The following COL4A6 variants were observed in gnomAD, a reference collection of about 807,000 sequenced individuals.
COL4A6 encodes the protein collagen type IV alpha 6 chain.
COL4A6 carries 59 observed loss-of-function variants against 126.7 expected under a neutral mutation model. That is an observed-to-expected ratio of 0.47 (90% CI 0.38 to 0.58). COL4A6 has a LOEUF of 0.58. Ranked by LOEUF, COL4A6 falls within the 20% of genes least tolerant of loss-of-function variation. The pLI is 0.00. For synonymous variants in COL4A6, 547 were observed against 496.6 expected, an observed-to-expected ratio of 1.10 and a Z score of -1.35; for missense variants, 1,285 against 1,337.3, an observed-to-expected ratio of 0.96 and a Z score of 0.61.
chrX:108,261,659 C>T (rs1051514357), intron 3 of COL4A6, among the ~76,000 whole-genome samples: 1 of 111,537 alleles, frequency 9.0e-6, no homozygotes, highest in Non-Finnish European at 1.9e-5. Flanking sequence ...ATGTTTTCAT[C>T]ATCTCCCACA....
chrX:108,175,048 C>A (rs934612616), intron 30 of COL4A6, 42 bp downstream of exon 30: 21 of 1,132,208 alleles, frequency 1.9e-5, no homozygotes, highest in African/African-American at 1.9e-5. Context: ...GGTTATGAAG[C>A]CTCTCTTGAG....
intron 3 of COL4A6, among the ~76,000 whole-genome samples, chrX:108,252,451 CA>C (rs1043258981): frequency 9.0e-6 from 1 of 111,544 alleles, no homozygotes; most frequent in Non-Finnish European, 1.9e-5. Flanking sequence ...CATGGAAGTA[CA>C]GATATATCTC....
intron 2 of COL4A6, among the ~76,000 whole-genome samples, chrX:108,431,018 T>C (rs1030525208): frequency 9.0e-6 from 1 of 111,268 alleles, no homozygotes; most frequent in Non-Finnish European, 1.9e-5. Flanking sequence ...TTGATAATCA[T>C]CACTATATAG....
intron 2 of COL4A6, among the ~76,000 whole-genome samples, chrX:108,365,119 C>T (rs2040169158): frequency 8.9e-6 from 1 of 111,956 alleles, no homozygotes; most frequent in African/African-American, 3.2e-5. Context: ...AAATTCAACT[C>T]TAATTTCTTT....
At chrX:108,256,940 C>T in intron 3 of COL4A6, among the ~76,000 whole-genome samples, 1 of 111,294 alleles carries the variant, frequency 9.0e-6, no homozygotes, top group Non-Finnish European at 1.9e-5. Context: ...AGCATGGATA[C>T]ATCTAATAGC....
intron 3 of COL4A6, among the ~76,000 whole-genome samples, chrX:108,228,405 T>C (rs1001178457): frequency 8.9e-6 from 1 of 112,335 alleles, no homozygotes; most frequent in Non-Finnish European, 1.9e-5. Flanking sequence ...TTGGCAAGTA[T>C]GAATATACAT....
chrX:108,353,327 C>T (rs1034822570), intron 2 of COL4A6, among the ~76,000 whole-genome samples: 5 of 112,405 alleles, frequency 4.4e-5, no homozygotes, highest in African/African-American at 1.6e-4. Context: ...CTTCAGTATA[C>T]AGAACACCTC....
At chrX:108,350,470 C>T (rs989837382) in intron 2 of COL4A6, among the ~76,000 whole-genome samples, 1 of 111,414 alleles carries the variant, frequency 9.0e-6, no homozygotes, top group Non-Finnish European at 1.9e-5. Context: ...CTGGAAGTAG[C>T]ACCCCCTTCC....
intron 2 of COL4A6, among the ~76,000 whole-genome samples, chrX:108,360,980 T>A (rs1832789590): frequency 9.0e-6 from 1 of 111,096 alleles, no homozygotes; most frequent in South Asian, 3.8e-4. Flanking sequence ...CTGTGTTCCC[T>A]GTAAAGAGTC....
intron 37 of COL4A6, among the ~76,000 whole-genome samples, chrX:108,167,205 C>G (rs2034155681): frequency 8.9e-6 from 1 of 112,328 alleles, no homozygotes; most frequent in African/African-American, 3.2e-5. Flanking sequence ...AGTCCAGTGT[C>G]AAAGCCTTGA....
intron 2 of COL4A6, among the ~76,000 whole-genome samples, chrX:108,313,224 C>T (rs777908152): frequency 9.0e-6 from 1 of 111,547 alleles, no homozygotes; most frequent in African/African-American, 3.3e-5. Context: ...CTTATCCTGG[C>T]TTGTCTGGGG....
chrX:108,340,709 A>G (rs1413159777), intron 2 of COL4A6, among the ~76,000 whole-genome samples: 1 of 110,532 alleles, frequency 9.0e-6, no homozygotes, highest in Non-Finnish European at 1.9e-5. Flanking sequence ...AAAACATGTA[A>G]AACACTTTTA....
Position 108,170,855 on chromosome X carries a change from C to T in COL4A6, c.3340G>A (p.Gly1114Arg). 2 of 1,212,431 alleles carry T rather than the reference C, an allele frequency of 1.6e-6. No individual in the cohort carries two copies. Among genetic ancestry groups the T allele is most frequent in the Non-Finnish European group, 2.2e-6 (2 of 895,637 alleles). Residue 1114 changes from glycine (G) to arginine (R), a missense_variant, in exon 34 of 45, where the codon GGA (glycine) becomes AGA (arginine). Gly to Arg is a moderately radical substitution (Grantham distance 125, BLOSUM62 -2). Coordinates refer to ENST00000334504, the MANE Select transcript of COL4A6 (RefSeq NM_033641.4). Reference protein sequence around the residue: ...IGFPGNKGEDGKVGVSGDVGL... With the variant: ...IGFPGNKGEDRKVGVSGDVGL... ...ACATCTCCAGAAACACCAACTTTTC[C>T]ATCTTCACCTTTGTTTCCAGGGAAG...
At chrX:108,289,787 C>A (rs2147840253) in intron 3 of COL4A6, among the ~76,000 whole-genome samples, 1 of 111,649 alleles carries the variant, frequency 9.0e-6, no homozygotes, top group South Asian at 3.8e-4. Flanking sequence ...CACTTTAATT[C>A]TTATTGAATT....
intron 3 of COL4A6, among the ~76,000 whole-genome samples, chrX:108,288,404 C>T (rs758410510): frequency 9.0e-6 from 1 of 111,668 alleles, no homozygotes; most frequent in African/African-American, 3.2e-5. Context: ...ATTAATTTCT[C>T]ATTCATGGAG....
chrX:108,427,924 A>G (rs1418196069), intron 2 of COL4A6, among the ~76,000 whole-genome samples: 1 of 112,254 alleles, frequency 8.9e-6, no homozygotes, highest in African/African-American at 3.2e-5. Flanking sequence ...TGTCCCTCAC[A>G]GGGTTGTCTT....
chrX:108,407,145 A>G (rs1421972984), intron 2 of COL4A6, among the ~76,000 whole-genome samples: 1 of 112,397 alleles, frequency 8.9e-6, no homozygotes, highest in Non-Finnish European at 1.9e-5. Flanking sequence ...CGGCTTTGTT[A>G]TGACTGCTAA....
chrX:108,358,390 G>T (rs1261938791), intron 2 of COL4A6, among the ~76,000 whole-genome samples: 7 of 105,269 alleles, frequency 6.6e-5, no homozygotes, highest in African/African-American at 2.2e-4. Context: ...CAAGGATAAT[G>T]ACTTTTTTTT....
Position 108,219,828 on chromosome X carries a change from T to C in COL4A6, c.280-86A>G, listed in dbSNP as rs887215990. On this transcript the variant is annotated intron_variant, in intron 4 of 44. Coordinates refer to ENST00000334504, the MANE Select transcript of COL4A6 (RefSeq NM_033641.4). Reference sequence around the variant, plus strand: ...AGTAGGTTTATGAGAGTCAATGGCCTACATTTTTAAGAAGTGTTTCGTACC... The same window carrying C: ...AGTAGGTTTATGAGAGTCAATGGCCCACATTTTTAAGAAGTGTTTCGTACC... The C allele has an allele frequency of 1.4e-5, 11 of 801,348 alleles. No individual in the cohort carries two copies. In the Admixed American group the frequency reaches 2.6e-4, roughly 19 times the overall value. The allele number at this position is 801,348 out of a possible 1,213,427, so 66.0% of individuals were successfully genotyped here. A position where few individuals can be genotyped will look rare whatever the true frequency, so the allele number is the denominator to read the frequency against.
Sources: allele counts gnomAD v4.1 joint callset (sites outside exome capture counted in the v4.1 genomes callset), GRCh38; gene constraint gnomAD v4.1.1; transcripts MANE v1.5; gene names NCBI Gene and HGNC (gene_info 2026-07-23, HGNC 2026-07-21).